The following CDH13 variants were observed in gnomAD, a reference collection of about 807,000 sequenced individuals.
CDH13 encodes the protein cadherin-13.
CDH13 carries 24 observed loss-of-function variants against 63.8 expected under a neutral mutation model. The observed-to-expected ratio is 0.38, with a 90% CI of 0.27 to 0.53. CDH13 has a LOEUF of 0.53. Ranked by LOEUF, CDH13 falls within the 20% of genes least tolerant of loss-of-function variation. The pLI is 0.85. For synonymous variants in CDH13, 503 were observed against 355.3 expected (o/e 1.42, Z -4.67); for missense variants, 1,049 against 903.1 (o/e 1.16, Z -2.07).
At chr16:83,601,444 T>C (rs924459533) in intron 7 of CDH13, among the ~76,000 whole-genome samples, 2 of 152,206 alleles carry the variant, frequency 1.3e-5, no homozygotes, top group African/African-American at 4.8e-5. Flanking sequence ...AATAGTGCAA[T>C]ATTGCTTGTG....
At chr16:83,777,440 CG>C (rs1011625266) in intron 11 of CDH13, among the ~76,000 whole-genome samples, 4 of 152,330 alleles carry the variant, frequency 2.6e-5, no homozygotes, top group African/African-American at 9.6e-5. Context: ...GAACACCCTG[CG>C]GTCCCCCAGC....
chr16:82,629,356 C>T (rs747612733), intron 1 of CDH13, among the ~76,000 whole-genome samples: 1 of 152,196 alleles, frequency 6.6e-6, no homozygotes, highest in Non-Finnish European at 1.5e-5. Flanking sequence ...AGCAAATGTC[C>T]ACATTAGGAT....
chr16:82,783,125 T>A (rs1202830675), intron 1 of CDH13, among the ~76,000 whole-genome samples: 1 of 152,140 alleles, frequency 6.6e-6, no homozygotes, highest in East Asian at 1.9e-4. Context: ...TATTGCAGGG[T>A]TGGCACCGAG....
chr16:83,316,699 C>A (rs775394610), intron 5 of CDH13, among the ~76,000 whole-genome samples: 28 of 152,282 alleles, frequency 1.8e-4, no homozygotes, highest in Non-Finnish European at 2.9e-4. Flanking sequence ...ATACCAGCTG[C>A]GAGTGCCCAC....
At chr16:82,836,476 G>A (rs1176519922) in intron 1 of CDH13, among the ~76,000 whole-genome samples, 2 of 152,088 alleles carry the variant, frequency 1.3e-5, no homozygotes, top group Non-Finnish European at 2.9e-5. Context: ...AATTAACAAT[G>A]TTCATCTCAG....
chr16:83,662,655 T>C (rs1913547003), intron 8 of CDH13, among the ~76,000 whole-genome samples: 1 of 152,108 alleles, frequency 6.6e-6, no homozygotes, highest in African/African-American at 2.4e-5. Context: ...ATGTTTAATA[T>C]TTTTCATAAC....
intron 5 of CDH13, among the ~76,000 whole-genome samples, chr16:83,315,242 G>A (rs1055519239): frequency 6.6e-6 from 1 of 152,222 alleles, no homozygotes; most frequent in East Asian, 1.9e-4. Context: ...CCGAGGAAGG[G>A]CCTTAGGCCT....
intron 7 of CDH13, among the ~76,000 whole-genome samples, chr16:83,522,634 G>A (rs943764234): frequency 3.3e-5 from 5 of 152,156 alleles, no homozygotes; most frequent in Non-Finnish European, 4.4e-5. Context: ...GTTGCCGAGC[G>A]CAGTGGGTTC....
At chr16:83,181,063 A>C in intron 4 of CDH13, 1 of 1,425,032 alleles carries the variant, frequency 7.0e-7, no homozygotes. Flanking sequence ...CTACAGAATG[A>C]TGTGTTTAAA....
Position 82,746,685 on chromosome 16 carries a change from A to G in CDH13, c.46-111677A>G, listed in dbSNP as rs903526308. 3.9e-5 allele frequency among the ~76,000 whole-genome samples: 6 copies of G among 152,284 alleles called. 1 individual carries two copies. The highest frequency in any genetic ancestry group is 2.0e-4 in the Admixed American group (3 of 15,284). On this transcript the variant is annotated intron_variant, in intron 1 of 13. Coordinates refer to ENST00000567109, the MANE Select transcript of CDH13 (RefSeq NM_001257.5). ...AAGTGGTTTACTTAAGCATACATAT[A>G]TATACAATTTCATTTTCCTAAGACC...
chr16:82,910,980 G>T (rs2041811443), intron 2 of CDH13, among the ~76,000 whole-genome samples: 1 of 152,132 alleles, frequency 6.6e-6, no homozygotes, highest in African/African-American at 2.4e-5. Flanking sequence ...CCAGAACCTA[G>T]AAGTAGGGTA....
chr16:83,325,166 A>G (rs1003892573), intron 5 of CDH13, among the ~76,000 whole-genome samples: 2 of 152,228 alleles, frequency 1.3e-5, no homozygotes, highest in African/African-American at 4.8e-5. Context: ...TAATCCCACT[A>G]AATCATGACT....
At chr16:83,123,343 G>A (rs959368249) in intron 3 of CDH13, among the ~76,000 whole-genome samples, 10 of 151,878 alleles carry the variant, frequency 6.6e-5, no homozygotes, top group African/African-American at 2.4e-4. Flanking sequence ...GCAATGGCGC[G>A]ATCTCGGCTC....
intron 3 of CDH13, among the ~76,000 whole-genome samples, chr16:83,080,622 A>G (rs2033163448): frequency 6.6e-6 from 1 of 152,128 alleles, no homozygotes; most frequent in South Asian, 2.1e-4. Flanking sequence ...TCCAGTGTCC[A>G]CAGCTCCTGT....
chr16:82,850,270 G>A (rs2039429389), intron 1 of CDH13, among the ~76,000 whole-genome samples: 1 of 152,214 alleles, frequency 6.6e-6, no homozygotes, highest in African/African-American at 2.4e-5. Flanking sequence ...TTTAGAAGAT[G>A]TTGATTTCAA....
intron 9 of CDH13, among the ~76,000 whole-genome samples, chr16:83,675,128 A>G (rs972411303): frequency 6.6e-6 from 1 of 152,140 alleles, no homozygotes; most frequent in Non-Finnish European, 1.5e-5. Flanking sequence ...AGTATTTTCA[A>G]TTTCCTCCTG....
chr16:83,400,791 C>A (rs1273004981), intron 6 of CDH13, among the ~76,000 whole-genome samples: 2 of 152,110 alleles, frequency 1.3e-5, no homozygotes, highest in African/African-American at 4.8e-5. Context: ...AGTTGCTGCC[C>A]TTGTTGTTTA....
chr16:83,653,004 G>A (rs1912532517), intron 8 of CDH13, among the ~76,000 whole-genome samples: 1 of 152,200 alleles, frequency 6.6e-6, no homozygotes, highest in African/African-American at 2.4e-5. Context: ...GCTACAGTGT[G>A]GATGAACCGT....
At chr16:82,839,070 A>T (rs1367105069) in intron 1 of CDH13, among the ~76,000 whole-genome samples, 1 of 152,260 alleles carries the variant, frequency 6.6e-6, no homozygotes. Context: ...ACAAAAACTG[A>T]CAATAGGCTA....
Sources: gnomAD v4.1 joint callset for allele counts (sites outside exome capture counted in the v4.1 genomes callset) on GRCh38, gnomAD v4.1.1 for gene constraint, MANE v1.5 for transcripts, NCBI Gene and HGNC (gene_info 2026-07-23, HGNC 2026-07-21) for gene names.